Variants in ADGRL3 observed in about 807,000 individuals in gnomAD.
ADGRL3 encodes calcium-independent alpha-latrotoxin receptor 3.
In ADGRL3, 62 loss-of-function variants were observed where a neutral mutation model predicts 153.5. The ratio of observed to expected loss-of-function variants is 0.40; its 90% CI spans 0.33 to 0.50. The LOEUF is 0.50. Among genes scored for constraint, ADGRL3 ranks in the 20% least tolerant of loss-of-function variants. The probability of loss-of-function intolerance (pLI) is 0.47; values close to 1 mark genes in which losing one functional copy is unlikely to be tolerated. For missense variants in ADGRL3, 1,641 were observed against 1,859.4 expected, an observed-to-expected ratio of 0.88 and a Z score of 2.16; for synonymous variants, 710 against 672.5, an observed-to-expected ratio of 1.06 and a Z score of -0.86.
chr4:61,682,563 A>AAT (rs367844995), intron 6 of ADGRL3, among the ~76,000 whole-genome samples: 12 of 136,214 alleles, frequency 8.8e-5, no homozygotes, highest in South Asian at 4.6e-4. Context: ...CTTTAAAAAA[A>AAT]TTTTTTTTTT....
At chr4:61,828,443 G>T (rs2097835307) in intron 9 of ADGRL3, among the ~76,000 whole-genome samples, 1 of 152,064 alleles carries the variant, frequency 6.6e-6, no homozygotes, top group South Asian at 2.1e-4. Flanking sequence ...GGTGGATGTA[G>T]GGGCAAACAT....
chr4:62,028,830 G>T (rs758196698), intron 21 of ADGRL3, 25 bp from the exon 22 acceptor site: 4 of 1,592,608 alleles, frequency 2.5e-6, no homozygotes, highest in Non-Finnish European at 3.4e-6. Flanking sequence ...TGGTGTTCTT[G>T]TCTTTATGTC....
chr4:61,228,502 C>A (rs1748998601), intron 1 of ADGRL3, among the ~76,000 whole-genome samples: 1 of 152,016 alleles, frequency 6.6e-6, no homozygotes, highest in Admixed American at 6.6e-5. Flanking sequence ...TCGCAATAAC[C>A]ACTATTTATA....
chr4:62,049,422 AG>A (rs1248322410), intron 25 of ADGRL3, among the ~76,000 whole-genome samples: 1 of 152,180 alleles, frequency 6.6e-6, no homozygotes, highest in Non-Finnish European at 1.5e-5. Flanking sequence ...CTGACTAGTA[AG>A]GGTATATTTA....
intron 1 of ADGRL3, among the ~76,000 whole-genome samples, chr4:61,228,031 C>T (rs1051140650): frequency 4.6e-5 from 7 of 152,292 alleles, no homozygotes; most frequent in African/African-American, 1.4e-4. Flanking sequence ...TTATGAAAAT[C>T]TGAAAATTTA....
intron 2 of ADGRL3, among the ~76,000 whole-genome samples, chr4:61,401,109 G>C (rs2096925735): frequency 6.6e-6 from 1 of 151,190 alleles, no homozygotes; most frequent in African/African-American, 2.4e-5. Flanking sequence ...GCAGTGGATA[G>C]AATTATAGTC....
At chr4:61,806,658 T>C (rs7662566) in intron 8 of ADGRL3, among the ~76,000 whole-genome samples, 16,006 of 152,128 alleles carry the variant, frequency 0.11, 906 homozygotes, top group Middle Eastern at 0.15. Context: ...GGTTAAATAA[T>C]TGGTATTTTC....
At chr4:61,903,724 T>G (rs1265934981) in intron 11 of ADGRL3, among the ~76,000 whole-genome samples, 1 of 150,910 alleles carries the variant, frequency 6.6e-6, no homozygotes, top group Non-Finnish European at 1.5e-5. Flanking sequence ...GCAGTTTTTA[T>G]TTTACTTTAA....
At chr4:61,832,217 G>A (rs954792369) in intron 9 of ADGRL3, among the ~76,000 whole-genome samples, 4 of 152,124 alleles carry the variant, frequency 2.6e-5, no homozygotes, top group Admixed American at 6.6e-5. Context: ...CTTCAGAGGC[G>A]AGAGATGTGT....
rs1010251049 is a variant in ADGRL3 at position 62,076,910 on chromosome 4, A to G, written c.*6002A>G. The G allele has an allele frequency of 1.3e-5, 2 of 151,482 alleles. No homozygotes were observed. Among genetic ancestry groups the G allele is most frequent in the African/African-American group, 4.8e-5 (2 of 41,380 alleles). The allele number at this position is 151,482 out of a possible 1,614,324, so 9.4% of individuals were successfully genotyped here. ...ATGAAATTAATATTATATTAGAATT[A>G]TGTACATTATACAAAATAATTCATA... On this transcript the variant is annotated 3_prime_UTR_variant, in exon 27 of 27. Transcript: ENST00000683033.
intron 2 of ADGRL3, among the ~76,000 whole-genome samples, chr4:61,463,950 A>C (rs887302912): frequency 6.6e-6 from 1 of 152,164 alleles, no homozygotes; most frequent in South Asian, 2.1e-4. Context: ...TAGGGTTCAG[A>C]TTTCTTTGAA....
At chr4:61,487,009 C>G (rs189318702) in intron 2 of ADGRL3, among the ~76,000 whole-genome samples, 1 of 152,170 alleles carries the variant, frequency 6.6e-6, no homozygotes, top group African/African-American at 2.4e-5. Context: ...ATGATTCTTG[C>G]AGGCTAAAGT....
At chr4:61,877,869 C>G (rs2098484480) in intron 9 of ADGRL3, among the ~76,000 whole-genome samples, 1 of 152,132 alleles carries the variant, frequency 6.6e-6, no homozygotes, top group South Asian at 2.1e-4. Context: ...ATCCTGGGAA[C>G]AGTTCCCCCA....
intron 9 of ADGRL3, among the ~76,000 whole-genome samples, chr4:61,867,180 T>C (rs2098405362): frequency 6.6e-6 from 1 of 151,890 alleles, no homozygotes; most frequent in Non-Finnish European, 1.5e-5. Context: ...CAAACAAAAA[T>C]TGGCATCTAA....
intron 5 of ADGRL3, among the ~76,000 whole-genome samples, chr4:61,672,245 G>A (rs985831056): frequency 4.6e-5 from 7 of 152,044 alleles, no homozygotes; most frequent in African/African-American, 1.4e-4. Context: ...GTAAGATAGA[G>A]ATCCCATTTC....
rs141818338 is a variant in ADGRL3 at position 61,908,280 on chromosome 4, C to T, written c.1888-1280C>T. On this transcript the variant is annotated intron_variant, in intron 11 of 26. Transcript: ENST00000683033. ...TCTTCAGCCTGTGTGACAGTGAGAC[C>T]CTGTCTTACAAAAGAAAAAAAAAGA... is the stretch of plus-strand genomic sequence containing the variant. 2.3e-3 allele frequency among the ~76,000 whole-genome samples: 355 copies of T among 151,850 alleles called. 5 individuals are homozygous for T. The highest frequency in any genetic ancestry group is 8.0e-3 in the African/African-American group (330 of 41,394).
intron 1 of ADGRL3, among the ~76,000 whole-genome samples, chr4:61,240,656 C>G (rs769253489): frequency 6.6e-6 from 1 of 151,960 alleles, no homozygotes; most frequent in Non-Finnish European, 1.5e-5. Flanking sequence ...TAAGAAAGTT[C>G]AATGGGTATG....
intron 1 of ADGRL3, among the ~76,000 whole-genome samples, chr4:61,341,406 A>G (rs2095805116): frequency 6.6e-6 from 1 of 151,620 alleles, no homozygotes; most frequent in Admixed American, 6.6e-5. Context: ...AAAAGTATGA[A>G]CCTCGAACCC....
rs1746191033 is a variant in ADGRL3, at chr4:62,073,177, G to A, written c.*2269G>A. On this transcript the variant is annotated 3_prime_UTR_variant, in exon 27 of 27. Transcript: ENST00000683033. ...ATGACTATCTTAAATCAAGTTTAGA[G>A]AATGGCCAATAATCTGTATATAGTT... 1 of 152,056 alleles carries A rather than the reference G, an allele frequency of 6.6e-6. No homozygotes were observed. The highest frequency in any genetic ancestry group is 2.4e-5 in the African/African-American group (1 of 41,416). The allele number at this position is 152,056 out of a possible 1,614,324, so 9.4% of individuals were successfully genotyped here. A position where few individuals can be genotyped will look rare whatever the true frequency, so the allele number is the denominator to read the frequency against.
Sources: gnomAD v4.1 joint callset for allele counts (sites outside exome capture counted in the v4.1 genomes callset) on GRCh38, gnomAD v4.1.1 for gene constraint, MANE v1.5 for transcripts, NCBI Gene and HGNC (gene_info 2026-07-23, HGNC 2026-07-21) for gene names.